Variants in RPN2 observed in about 807,000 individuals in gnomAD.
RPN2 encodes the protein dolichyl-diphosphooligosaccharide--protein glycosyltransferase subunit 2.
A neutral mutation model predicts 71.4 loss-of-function variants in RPN2; 29 were observed. The ratio of observed to expected loss-of-function variants is 0.41; its 90% confidence interval spans 0.30 to 0.55. The LOEUF (loss-of-function observed/expected upper bound fraction) is 0.55. Among genes scored for constraint, RPN2 ranks in the 20% least tolerant of loss-of-function variants. The pLI is 0.35. For missense variants in RPN2, 726 were observed against 774.1 expected, an observed-to-expected ratio of 0.94 and a Z score of 0.74; for synonymous variants, 308 against 305.0, an observed-to-expected ratio of 1.01 and a Z score of -0.10.
chr20:37,192,752 A>ATTC (rs2067171178), intron 2 of RPN2, among the ~76,000 whole-genome samples: 1 of 152,188 alleles, frequency 6.6e-6, no homozygotes, highest in South Asian at 2.1e-4. Context: ...ATGTGCTGTT[A>ATTC]TAAATAGGGG....
In RPN2 at chr20:37,228,536, A is replaced by G. The variant is rs769846886; in HGVS notation, c.1300-14A>G. ...AAATTATCAGATGAAAGATTGTATT[A>G]TTCTTCCATCTAGACATTTGTCCGA... On this transcript the variant is annotated splice_polypyrimidine_tract_variant and intron_variant, in intron 11 of 16. Transcript: ENST00000237530. 3.7e-6 allele frequency: 6 copies of G among 1,611,568 alleles called. No homozygotes were observed. Among genetic ancestry groups the G allele is most frequent in the Non-Finnish European group, 5.1e-6 (6 of 1,177,666 alleles).
chr20:37,183,878 G>A (rs1382626160), intron 1 of RPN2, among the ~76,000 whole-genome samples: 2 of 152,228 alleles, frequency 1.3e-5, no homozygotes, highest in Non-Finnish European at 2.9e-5. Context: ...GGCTGGCAAG[G>A]TGTGAGGATT....
intron 9 of RPN2, among the ~76,000 whole-genome samples, 183 bp downstream of exon 9, chr20:37,214,048 C>T (rs2067746343): frequency 6.6e-6 from 1 of 152,192 alleles, no homozygotes; most frequent in Non-Finnish European, 1.5e-5. Flanking sequence ...GGCAGTAAAT[C>T]AAGAACTTGG....
At chr20:37,229,292 CAG>C (rs1004168630) in intron 12 of RPN2, among the ~76,000 whole-genome samples, 5 of 152,192 alleles carry the variant, frequency 3.3e-5, no homozygotes, top group African/African-American at 1.2e-4. Flanking sequence ...TCTTGCAAGA[CAG>C]GGCATTTGAG....
At chr20:37,214,758 T>C (rs2067765726) in intron 9 of RPN2, among the ~76,000 whole-genome samples, 1 of 152,202 alleles carries the variant, frequency 6.6e-6, no homozygotes, top group South Asian at 2.1e-4. Context: ...CGATATGTCT[T>C]ATTACAGGTC....
chr20:37,235,766 T>C (rs2068369527), intron 15 of RPN2, among the ~76,000 whole-genome samples: 1 of 152,132 alleles, frequency 6.6e-6, no homozygotes, highest in African/African-American at 2.4e-5. Flanking sequence ...TTCTCCCACC[T>C]CAGCCTCCCA....
chr20:37,200,712 A>G (rs529270255), intron 4 of RPN2, among the ~76,000 whole-genome samples: 1 of 152,228 alleles, frequency 6.6e-6, no homozygotes, highest in South Asian at 2.1e-4. Flanking sequence ...GACATTTTGT[A>G]CACACTTTGT....
chr20:37,193,175 C>T (rs1433108079), intron 2 of RPN2, among the ~76,000 whole-genome samples: 1 of 152,132 alleles, frequency 6.6e-6, no homozygotes, highest in Non-Finnish European at 1.5e-5. Context: ...AACCTCTCTG[C>T]ATCACCCTAA....
intron 15 of RPN2, among the ~76,000 whole-genome samples, chr20:37,234,899 G>A (rs143213740): frequency 6.6e-6 from 1 of 152,122 alleles, no homozygotes; most frequent in East Asian, 1.9e-4. Context: ...AGCTGGTCTT[G>A]AACTCCTAGG....
At chr20:37,236,835 C>G in intron 16 of RPN2, 126 bp downstream of exon 16, 1 of 926,920 alleles carries the variant, frequency 1.1e-6, no homozygotes, top group Non-Finnish European at 1.7e-6. Context: ...ACACCCTAAT[C>G]TAGCCCAGTA....
In RPN2 at chr20:37,199,278, C is replaced by A. The variant is rs1454258674; in HGVS notation, c.479+53C>A. The A allele has an allele frequency of 4.4e-6, 7 of 1,601,528 alleles. No homozygotes were observed. In the East Asian group the frequency reaches 1.3e-4, roughly 31 times the overall value. ...GGCTTCATTTGTCTCGGGTCCTATCCGAAGAGGGCTCATTCATTGGTTCAG... is the reference window on the plus strand; with the variant it reads ...GGCTTCATTTGTCTCGGGTCCTATCAGAAGAGGGCTCATTCATTGGTTCAG... On this transcript the variant is annotated intron_variant, in intron 4 of 16. Transcript: ENST00000237530.
At chr20:37,186,895 A>G (rs78492709) in intron 2 of RPN2, among the ~76,000 whole-genome samples, 3,274 of 152,294 alleles carry the variant, frequency 0.021, 41 homozygotes, top group Non-Finnish European at 0.033. Context: ...GTTTTTGAAC[A>G]TATTTCCCTA....
intron 2 of RPN2, among the ~76,000 whole-genome samples, chr20:37,188,449 G>A (rs767255020): frequency 1.1e-3 from 166 of 151,716 alleles, no homozygotes; most frequent in African/African-American, 3.7e-3. Context: ...CACCGCGCCC[G>A]GCCCATTGTC....
In RPN2 at chr20:37,196,458, C is replaced by T. The variant is rs181619273; in HGVS notation, c.208-1939C>T. ...CCGTGTTAGCCAGGATGGTCTCGAT[C>T]TCCTGACCTTGTGATCTGCTCGCCT... On this transcript the variant is annotated intron_variant, in intron 2 of 16. Transcript: ENST00000237530. 7.2e-5 allele frequency among the ~76,000 whole-genome samples: 11 copies of T among 152,274 alleles called. No individual in the cohort carries two copies. The East Asian group carries it at 1.9e-3, about 27-fold the overall frequency.
At chr20:37,209,240 A>C (rs2067596058) in intron 7 of RPN2, among the ~76,000 whole-genome samples, 1 of 152,238 alleles carries the variant, frequency 6.6e-6, no homozygotes. Context: ...TTGACTTTCA[A>C]CAAATGATAG....
chr20:37,184,675 C>T (rs2066966812), intron 2 of RPN2, among the ~76,000 whole-genome samples: 1 of 152,036 alleles, frequency 6.6e-6, no homozygotes, highest in Non-Finnish European at 1.5e-5. Flanking sequence ...GCCTGTAATC[C>T]CAGCTACTCA....
chr20:37,217,542 C>T (rs963816121), intron 9 of RPN2, among the ~76,000 whole-genome samples: 31 of 151,902 alleles, frequency 2.0e-4, no homozygotes, highest in African/African-American at 7.0e-4. Context: ...CCGCCTGCCT[C>T]GGCCTCCCAA....
chr20:37,218,583 G>T (rs1002758348), intron 9 of RPN2, among the ~76,000 whole-genome samples: 62 of 151,732 alleles, frequency 4.1e-4, no homozygotes, highest in African/African-American at 1.3e-3. Context: ...ATGCAATCCA[G>T]TGTTTTTAGT....
chr20:37,240,488 A>G (rs2068522299), intron 16 of RPN2, among the ~76,000 whole-genome samples: 1 of 152,190 alleles, frequency 6.6e-6, no homozygotes, highest in Non-Finnish European at 1.5e-5. Flanking sequence ...CTGGATCATT[A>G]TCACCTTAGT....
Sources: gnomAD v4.1 joint callset for allele counts (sites outside exome capture counted in the v4.1 genomes callset) on GRCh38, gnomAD v4.1.1 for gene constraint, MANE v1.5 for transcripts, NCBI Gene and HGNC (gene_info 2026-07-23, HGNC 2026-07-21) for gene names.